Variants in MYO16 observed in about 807,000 individuals in gnomAD.
The protein encoded by MYO16 is myosin XVI.
A neutral mutation model predicts 205.3 loss-of-function variants in MYO16; 94 were observed. The observed-to-expected ratio is 0.46, with a 90% CI of 0.39 to 0.54. The LOEUF is 0.54. MYO16 is among the 20% of genes least tolerant of loss of function. MYO16 has a pLI of 0.00. For synonymous variants in MYO16, 988 were observed against 954.0 expected (o/e 1.04, Z -0.66); for missense variants, 2,315 against 2,387.5 (o/e 0.97, Z 0.63).
chr13:108,991,763 G>A (rs537291448), intron 20 of MYO16, among the ~76,000 whole-genome samples: 44 of 152,248 alleles, frequency 2.9e-4, no homozygotes, highest in Admixed American at 2.0e-3. Flanking sequence ...TAGCTAGTGA[G>A]GACCACTTGA....
chr13:109,204,823 CT>C (rs1880533404), intron 34 of MYO16, among the ~76,000 whole-genome samples: 1 of 152,182 alleles, frequency 6.6e-6, no homozygotes, highest in Non-Finnish European at 1.5e-5. Flanking sequence ...GAAGTACCCA[CT>C]TTACAGGGCT....
intron 34 of MYO16, among the ~76,000 whole-genome samples, chr13:109,206,026 CCTAATG>C (rs1306283810): frequency 6.6e-6 from 1 of 152,174 alleles, no homozygotes; most frequent in East Asian, 1.9e-4. Context: ...TTTTGGAACA[CCTAATG>C]CTTGAAAACA....
At chr13:109,106,689 A>G (rs1406234345) in intron 28 of MYO16, among the ~76,000 whole-genome samples, 1 of 152,212 alleles carries the variant, frequency 6.6e-6, no homozygotes, top group African/African-American at 2.4e-5. Flanking sequence ...TCCATGTGAT[A>G]CCAGGGGTGC....
intron 11 of MYO16, among the ~76,000 whole-genome samples, chr13:108,859,866 G>A (rs1878370366): frequency 1.3e-5 from 2 of 152,284 alleles, no homozygotes; most frequent in East Asian, 3.9e-4. Flanking sequence ...TTAGCCAAGA[G>A]AATTCTGAAA....
intron 25 of MYO16, 30 bp downstream of exon 25, chr13:109,052,505 A>G (rs1399769442): frequency 7.3e-6 from 11 of 1,501,490 alleles, no homozygotes; most frequent in Non-Finnish European, 8.2e-6. Context: ...TTGTTGGATT[A>G]TTTTTAATTT....
intron 9 of MYO16, among the ~76,000 whole-genome samples, chr13:108,823,793 A>G (rs562130563): frequency 6.6e-6 from 1 of 152,128 alleles, no homozygotes; most frequent in South Asian, 2.1e-4. Context: ...AACAACTTAC[A>G]TTCAAATTCA....
intron 3 of MYO16, among the ~76,000 whole-genome samples, chr13:108,725,709 G>A (rs1284377926): frequency 2.6e-5 from 4 of 152,096 alleles, no homozygotes; most frequent in Non-Finnish European, 1.5e-5. Context: ...TCATTATTCA[G>A]CTGAGCACTT....
intron 9 of MYO16, among the ~76,000 whole-genome samples, chr13:108,825,910 G>GAA (rs1876236918): frequency 6.6e-6 from 1 of 151,766 alleles, no homozygotes; most frequent in Non-Finnish European, 1.5e-5. Context: ...TTTAAGAAAA[G>GAA]AACGGCAAGT....
chr13:108,969,776 C>T (rs768035341), intron 20 of MYO16, among the ~76,000 whole-genome samples: 14 of 152,142 alleles, frequency 9.2e-5, no homozygotes, highest in Non-Finnish European at 1.3e-4. Context: ...TCGAGAACTG[C>T]GGATTGTTAA....
intron 5 of MYO16, among the ~76,000 whole-genome samples, chr13:108,789,624 C>T (rs1262862309): frequency 6.6e-6 from 1 of 152,138 alleles, no homozygotes; most frequent in African/African-American, 2.4e-5. Context: ...GTAGCTGCAC[C>T]CTTCCTGTTT....
At chr13:108,778,815 C>T (rs1317328908) in intron 4 of MYO16, among the ~76,000 whole-genome samples, 2 of 152,160 alleles carry the variant, frequency 1.3e-5, no homozygotes, top group African/African-American at 4.8e-5. Context: ...GCAATATGAA[C>T]TCTCAATATG....
At chr13:108,522,228 A>G in the MYO16 span, among the ~76,000 whole-genome samples, 1 of 152,234 alleles carries the variant, frequency 6.6e-6, no homozygotes, top group South Asian at 2.1e-4. Flanking sequence ...CCCTGTTCAG[A>G]AAGCAATGAC....
intron 9 of MYO16, among the ~76,000 whole-genome samples, chr13:108,824,094 C>T (rs926320340): frequency 2.6e-5 from 4 of 151,966 alleles, no homozygotes; most frequent in African/African-American, 7.2e-5. Context: ...TTGCATGTAA[C>T]GTGTGGGACC....
At chr13:108,966,467 CA>C (rs1404606048) in intron 20 of MYO16, among the ~76,000 whole-genome samples, 2 of 152,120 alleles carry the variant, frequency 1.3e-5, no homozygotes, top group Admixed American at 6.5e-5. Context: ...GTTTTTGCTA[CA>C]AACACACACC....
chr13:109,055,352 C>T lies in MYO16; in HGVS notation c.3130-38C>T, dbSNP rs753336196. ...TGCTTTATATTTTTAGCTAGTGTCTCCTTTGGAGAATCAGTTGGGTTCTAC... is the reference window on the plus strand; with the variant it reads ...TGCTTTATATTTTTAGCTAGTGTCTTCTTTGGAGAATCAGTTGGGTTCTAC... On this transcript the variant is annotated intron_variant, in intron 26 of 34. Transcript: ENST00000457511. This position sits in a 1 kb window ranked among gnomAD's most constrained non-coding sequence, Gnocchi z 5.0. The T allele has an allele frequency of 4.6e-6, 7 of 1,524,142 alleles. No homozygotes were observed. Among genetic ancestry groups the T allele is most frequent in the South Asian group, 1.1e-5 (1 of 87,398 alleles). 94.4% of individuals were successfully genotyped at this position (1,524,142 alleles called of 1,614,324 possible). A position where few individuals can be genotyped will look rare whatever the true frequency, so the allele number is the denominator to read the frequency against.
intron 34 of MYO16, among the ~76,000 whole-genome samples, chr13:109,191,279 GTTCTGC>G (rs1269465491): frequency 1.3e-5 from 2 of 152,020 alleles, no homozygotes; most frequent in Non-Finnish European, 2.9e-5. Context: ...GTTTATTGAG[GTTCTGC>G]TTGTACTAGG....
intron 22 of MYO16, among the ~76,000 whole-genome samples, chr13:109,015,386 G>A (rs187881522): frequency 5.5e-4 from 83 of 152,204 alleles, no homozygotes; most frequent in African/African-American, 1.6e-3. Flanking sequence ...GAGGATTTTC[G>A]CATCGATGTT....
At chr13:108,679,711 C>A (rs1356176826) in intron 2 of MYO16, among the ~76,000 whole-genome samples, 95 of 136,028 alleles carry the variant, frequency 7.0e-4, no homozygotes, top group Admixed American at 8.1e-4. Context: ...CTTGGTTCTG[C>A]AAAAAAAAAA....
intron 1 of MYO16, among the ~76,000 whole-genome samples, chr13:108,656,518 C>A (rs557763908): frequency 9.9e-5 from 15 of 152,282 alleles, no homozygotes; most frequent in African/African-American, 3.4e-4. Context: ...ATAGTGCCCA[C>A]TTCCATATTC....
Sources: allele counts gnomAD v4.1 joint callset (sites outside exome capture counted in the v4.1 genomes callset), GRCh38; gene constraint gnomAD v4.1.1; non-coding constraint Gnocchi (gnomAD v3.1); transcripts MANE v1.5; gene names NCBI Gene and HGNC (gene_info 2026-07-23, HGNC 2026-07-21).